PI4KB: variants seen among roughly 807,000 people sequenced by gnomAD.
PI4KB encodes the protein PtdIns 4-kinase beta.
A neutral mutation model predicts 81.4 loss-of-function variants in PI4KB; 23 were observed. The observed-to-expected ratio is 0.28, with a 90% CI of 0.20 to 0.40. PI4KB has a LOEUF of 0.40. Among genes scored for constraint, PI4KB ranks in the 10% least tolerant of loss-of-function variants. The pLI, the probability that PI4KB is intolerant of heterozygous loss-of-function variation, is 1.00. For synonymous variants in PI4KB, 381 were observed against 406.8 expected (o/e 0.94, Z 0.76); for missense variants, 651 against 1,036.6 (o/e 0.63, Z 5.11).
chr1:151,312,414 T>C (rs778429986), intron 2 of PI4KB, among the ~76,000 whole-genome samples: 2 of 152,238 alleles, frequency 1.3e-5, no homozygotes, highest in African/African-American at 2.4e-5. Context: ...TAGATAATTA[T>C]GTGCCTCATT....
chr1:151,306,050 G>A, intron 5 of PI4KB, 86 bp downstream of exon 5: 1 of 1,084,118 alleles, frequency 9.2e-7, no homozygotes, highest in Non-Finnish European at 1.4e-6. Context: ...ACCCTGCCTT[G>A]GGATATGCTG....
chr1:151,326,102 G>A (rs1649572639), intron 1 of PI4KB: 1 of 1,383,636 alleles, frequency 7.2e-7, no homozygotes, highest in Non-Finnish European at 1.0e-6. Context: ...ACAGGGGTGA[G>A]AAGGCACTCT....
In PI4KB at chr1:151,293,064, G is replaced by A. The variant is rs375246959; in HGVS notation, c.2270-31C>T. 1.9e-6 allele frequency: 3 copies of A among 1,608,816 alleles called. No individual in the cohort carries two copies. The African/African-American group carries it at 4.0e-5, about 22-fold the overall frequency. ...GGAAGCAGTCGGAGTTCAGGGTCATGGATGGACGGGAGGGGCAGTGGTGTC... is the reference window on the plus strand; with the variant it reads ...GGAAGCAGTCGGAGTTCAGGGTCATAGATGGACGGGAGGGGCAGTGGTGTC... On this transcript the variant is annotated intron_variant, in intron 11 of 11. Transcript: ENST00000368873.
At chr1:151,314,972 G>GT (rs943279094) in intron 2 of PI4KB, among the ~76,000 whole-genome samples, 1 of 152,060 alleles carries the variant, frequency 6.6e-6, no homozygotes. Flanking sequence ...TGGAATGGCA[G>GT]TTTATTTATT....
intron 1 of PI4KB, among the ~76,000 whole-genome samples, chr1:151,320,941 C>T (rs568785538): frequency 2.6e-5 from 4 of 152,352 alleles, no homozygotes; most frequent in Admixed American, 1.3e-4. Flanking sequence ...CATTCTCCCA[C>T]ATAATAGTGT....
At chr1:151,303,435 GAC>G in intron 6 of PI4KB, 104 bp downstream of exon 6, 1 of 786,720 alleles carries the variant, frequency 1.3e-6, no homozygotes, top group Admixed American at 1.7e-5. Flanking sequence ...AAGAGGGAAA[GAC>G]ACAGGCCAAC....
chr1:151,319,718 TTCA>T (rs1323054973), intron 1 of PI4KB, among the ~76,000 whole-genome samples: 1 of 152,162 alleles, frequency 6.6e-6, no homozygotes, highest in African/African-American at 2.4e-5. Context: ...CTGGGGAAAT[TTCA>T]TCAGATCAAC....
intron 6 of PI4KB, 55 bp downstream of exon 6, chr1:151,303,486 T>C: frequency 2.0e-6 from 2 of 1,013,864 alleles, no homozygotes; most frequent in South Asian, 1.3e-5. Context: ...AACAAAGAGA[T>C]GGGAAGTTCC....
At chr1:151,313,714 A>G (rs1356933099) in intron 2 of PI4KB, among the ~76,000 whole-genome samples, 2 of 152,260 alleles carry the variant, frequency 1.3e-5, no homozygotes, top group East Asian at 3.8e-4. Context: ...GGTTCATTCT[A>G]GTTCTGACAA....
chr1:151,318,309 C>T (rs551522009), intron 1 of PI4KB, among the ~76,000 whole-genome samples: 54 of 151,166 alleles, frequency 3.6e-4, no homozygotes, highest in East Asian at 2.3e-3. Context: ...CCCAGCTACT[C>T]AGGAGGCTGA....
At chr1:151,297,387 A>AT (rs374991894) in intron 9 of PI4KB, among the ~76,000 whole-genome samples, 85,946 of 146,300 alleles carry the variant, frequency 0.59, 25,934 homozygotes, top group Non-Finnish European at 0.65. Flanking sequence ...TGTTGCCCAG[A>AT]CTAAAGTACT....
At position 151,302,096 on chromosome 1, in the gene PI4KB, AT is replaced by A. The variant is rs587696554; in HGVS notation, c.1625+97del. 6.2e-3 allele frequency: 9,723 copies of A among 1,563,962 alleles called. 60 individuals carry two copies. The highest frequency in any genetic ancestry group is 0.011 in the Middle Eastern group (63 of 5,850). On this transcript the variant is annotated intron_variant, in intron 7 of 11. Transcript: ENST00000368873. Reference sequence around the variant, plus strand: ...CCCAGACAGCCTGGAAGCCTGACAGATTTTTTTGGAGGCTGATGGACAATAA... The same window carrying A: ...CCCAGACAGCCTGGAAGCCTGACAGATTTTTTGGAGGCTGATGGACAATAA...
chr1:151,299,872 G>A lies in PI4KB; in HGVS notation c.1750-799C>T, dbSNP rs587721217. On this transcript the variant is annotated intron_variant, in intron 8 of 11. Coordinates refer to ENST00000368873, the MANE Select transcript of PI4KB (RefSeq NM_001369623.2). ...ACCTACCTGCTACAGACCAATTTGG[G>A]AAGTTTTTATGTTGTTTTTTAAAGG... 1.5e-4 allele frequency among the ~76,000 whole-genome samples: 23 copies of A among 152,176 alleles called. 1 individual carries two copies. The highest frequency in any genetic ancestry group is 6.8e-3 in the Middle Eastern group (2 of 294).
chr1:151,301,444 C>G (rs892524243), intron 8 of PI4KB, among the ~76,000 whole-genome samples: 1 of 152,076 alleles, frequency 6.6e-6, no homozygotes, highest in Non-Finnish European at 1.5e-5. Context: ...GTCGCCCAGG[C>G]TGGAGTGCAG....
At chr1:151,296,445 C>T (rs1265479894) in intron 9 of PI4KB, among the ~76,000 whole-genome samples, 1 of 151,782 alleles carries the variant, frequency 6.6e-6, no homozygotes, top group Admixed American at 6.6e-5. Flanking sequence ...AATGTCAGGC[C>T]ATGGCAGAAC....
chr1:151,311,695 T>C (rs145335838), intron 2 of PI4KB, among the ~76,000 whole-genome samples: 32 of 152,296 alleles, frequency 2.1e-4, no homozygotes, highest in East Asian at 5.8e-4. Context: ...GTCTGACTCA[T>C]TGACAGCCCT....
At chr1:151,308,475 G>A (rs1695966575) in intron 3 of PI4KB, among the ~76,000 whole-genome samples, 1 of 152,242 alleles carries the variant, frequency 6.6e-6, no homozygotes, top group Non-Finnish European at 1.5e-5. Context: ...ATGGAAGGAG[G>A]TAGGTAGATG....
Position 151,301,881 on chromosome 1 carries a change from T to C in PI4KB, c.1712A>G (p.Gln571Arg). 6.2e-7 allele frequency: 1 copy of C among 1,614,108 alleles called. No homozygotes were observed. Among genetic ancestry groups the C allele is most frequent in the Non-Finnish European group, 8.5e-7 (1 of 1,180,012 alleles). ...CAACACCTGAAAGGCCAGAAGCTCTTGCCGAAGGTCATCCCCACACTTGAC... is the reference window on the plus strand; with the variant it reads ...CAACACCTGAAAGGCCAGAAGCTCTCGCCGAAGGTCATCCCCACACTTGAC... ...VIVKCGDDLR[Q>R]ELLAFQVLKQ... The change falls in exon 8 of 12, where the codon CAA (glutamine) becomes CGA (arginine). Residue 571 changes from glutamine to arginine, a missense_variant. Physicochemically the swap from Gln to Arg is conservative, Grantham distance 43. This residue lies in a region of PI4KB where 246 missense variants were observed against 430.1 expected (regional missense o/e 0.57). Transcript: ENST00000368873.
chr1:151,310,114 TC>T, intron 3 of PI4KB, 96 bp downstream of exon 3: 1 of 844,176 alleles, frequency 1.2e-6, no homozygotes, highest in Non-Finnish European at 2.0e-6. Flanking sequence ...GCATTTTAAC[TC>T]CAGCCTTGGC....
Sources: allele counts gnomAD v4.1 joint callset (sites outside exome capture counted in the v4.1 genomes callset), GRCh38; gene constraint gnomAD v4.1.1; regional missense constraint gnomAD v4.1.1; transcripts MANE v1.5; gene names NCBI Gene and HGNC (gene_info 2026-07-23, HGNC 2026-07-21).